The following PDE4B variants were observed in gnomAD, a reference collection of about 807,000 sequenced individuals.
PDE4B encodes phosphodiesterase 4B.
PDE4B carries 20 observed loss-of-function variants against 82.2 expected under a neutral mutation model. That is an observed-to-expected ratio of 0.24 (90% CI 0.17 to 0.35). The LOEUF (loss-of-function observed/expected upper bound fraction) is 0.35, where lower values mean the gene tolerates loss of function less well. Among genes scored for constraint, PDE4B ranks in the 10% least tolerant of loss-of-function variants. The probability of loss-of-function intolerance (pLI) is 1.00; values close to 1 mark genes in which losing one functional copy is unlikely to be tolerated. For synonymous variants in PDE4B, 320 were observed against 318.9 expected (o/e 1.00, Z -0.04); for missense variants, 655 against 907.2 (o/e 0.72, Z 3.57).
intron 3 of PDE4B, among the ~76,000 whole-genome samples, chr1:66,096,511 TATATATATA>T (rs1645119253): frequency 2.3e-5 from 3 of 132,942 alleles, no homozygotes; most frequent in African/African-American, 8.8e-5. Flanking sequence ...AAAAAAATTA[TATATATATA>T]TATATATATA....
Position 66,131,565 on chromosome 1 carries a change from A to T in PDE4B, c.282-115895A>T, listed in dbSNP as rs550033710. On this transcript the variant is annotated intron_variant, in intron 3 of 16. Coordinates refer to ENST00000341517, the MANE Select transcript of PDE4B (RefSeq NM_002600.4). ...TCAGATAATGCTAATATTAACTTTC[A>T]ATATTTTCAATATTTTCTGAATGCC... 5.1e-5 allele frequency among the ~76,000 whole-genome samples: 6 copies of T among 117,358 alleles called. No homozygotes were observed. The South Asian group carries it at 1.5e-3, about 30-fold the overall frequency. The allele number at this position is 117,358 out of a possible 152,430, so 77.0% of individuals were successfully genotyped here.
chr1:66,074,285 G>A (rs1656307224), intron 3 of PDE4B, among the ~76,000 whole-genome samples: 2 of 152,028 alleles, frequency 1.3e-5, no homozygotes, highest in African/African-American at 4.8e-5. Context: ...CTTTTGTGAG[G>A]AATTGTCAGG....
intron 7 of PDE4B, among the ~76,000 whole-genome samples, chr1:66,277,574 T>C (rs12046582): frequency 2.6e-5 from 4 of 152,122 alleles, no homozygotes; most frequent in East Asian, 3.9e-4. Context: ...TTTTGTATTT[T>C]TAGTAGAGAT....
chr1:65,986,433 G>C (rs1650959424), intron 3 of PDE4B, among the ~76,000 whole-genome samples: 1 of 152,144 alleles, frequency 6.6e-6, no homozygotes, highest in African/African-American at 2.4e-5. Flanking sequence ...GACATGACAT[G>C]CTTGACAAAG....
chr1:66,033,616 A>C (rs1378058208), intron 3 of PDE4B, among the ~76,000 whole-genome samples: 1 of 151,768 alleles, frequency 6.6e-6, no homozygotes, highest in Admixed American at 6.6e-5. Context: ...TCTTACTTGG[A>C]ATGTGTTAGT....
chr1:65,957,364 T>C (rs1649314396), intron 3 of PDE4B, among the ~76,000 whole-genome samples: 1 of 152,148 alleles, frequency 6.6e-6, no homozygotes, highest in African/African-American at 2.4e-5. Flanking sequence ...TAATTTCCAA[T>C]GCCATGTCTG....
chr1:65,843,895 G>T (rs1035427957), intron 1 of PDE4B, among the ~76,000 whole-genome samples: 10 of 152,102 alleles, frequency 6.6e-5, no homozygotes, highest in Non-Finnish European at 1.3e-4. Flanking sequence ...TGTTTCCACA[G>T]TATGACATAA....
At chr1:66,199,162 T>C (rs950855857) in intron 3 of PDE4B, among the ~76,000 whole-genome samples, 11 of 151,734 alleles carry the variant, frequency 7.2e-5, no homozygotes, top group African/African-American at 2.7e-4. Context: ...TATTTCTAGT[T>C]CTAGATCCCT....
chr1:66,034,503 G>A (rs1271709894), intron 3 of PDE4B, among the ~76,000 whole-genome samples: 1 of 152,080 alleles, frequency 6.6e-6, no homozygotes, highest in Non-Finnish European at 1.5e-5. Flanking sequence ...TCTAGTTTTA[G>A]GCTACAGTGT....
intron 3 of PDE4B, among the ~76,000 whole-genome samples, chr1:66,086,107 G>A (rs1048346917): frequency 1.3e-5 from 2 of 151,760 alleles, no homozygotes; most frequent in African/African-American, 4.8e-5. Context: ...TATCAGCTCA[G>A]TGGGGTTCAA....
chr1:65,816,449 C>T (rs1413044879), intron 1 of PDE4B, among the ~76,000 whole-genome samples: 2 of 151,934 alleles, frequency 1.3e-5, no homozygotes, highest in Admixed American at 1.3e-4. Context: ...GTGAAAGGAC[C>T]TTTAAACTGT....
chr1:65,842,614 A>T (rs1200384990), intron 1 of PDE4B, among the ~76,000 whole-genome samples: 1 of 152,148 alleles, frequency 6.6e-6, no homozygotes, highest in Non-Finnish European at 1.5e-5. Context: ...TGTTATTCCA[A>T]GCTTAAGATG....
At position 66,228,021 on chromosome 1, in the gene PDE4B, A is replaced by AC. The variant is rs756126468; in HGVS notation, c.282-19434dup. On this transcript the variant is annotated intron_variant, in intron 3 of 16. Coordinates refer to ENST00000341517, the MANE Select transcript of PDE4B (RefSeq NM_002600.4). The stretch of plus-strand genomic sequence containing the variant: ...ACCCCACTCTCATTTCCTGCTACTC[A>AC]CCCCCTCACTCACTTTGCTCCAGCC... Among the ~76,000 whole-genome samples the AC allele has an allele frequency of 8.4e-4, 127 of 151,402 alleles. 1 individual carries two copies. The highest frequency in any genetic ancestry group is 2.4e-3 in the Admixed American group (37 of 15,210).
chr1:66,319,257 T>C (rs1659234654), intron 7 of PDE4B, among the ~76,000 whole-genome samples: 1 of 152,166 alleles, frequency 6.6e-6, no homozygotes, highest in Non-Finnish European at 1.5e-5. Flanking sequence ...TTAGTCCTCT[T>C]CTCCTCCTCA....
At chr1:66,357,863 T>G (rs1482375490) in intron 9 of PDE4B, among the ~76,000 whole-genome samples, 6 of 152,202 alleles carry the variant, frequency 3.9e-5, no homozygotes, top group Non-Finnish European at 2.9e-5. Context: ...ACTATAACTC[T>G]GATATGAACT....
intron 3 of PDE4B, among the ~76,000 whole-genome samples, chr1:66,024,585 G>A (rs1653332635): frequency 6.6e-6 from 1 of 152,106 alleles, no homozygotes; most frequent in Non-Finnish European, 1.5e-5. Context: ...TCAACAAAAT[G>A]TACAGGTCAT....
chr1:66,342,799 T>C (rs1661101706), intron 8 of PDE4B, among the ~76,000 whole-genome samples: 1 of 150,326 alleles, frequency 6.7e-6, no homozygotes, highest in African/African-American at 2.4e-5. Flanking sequence ...ATCCCAAAAC[T>C]CTGGGAGCCC....
intron 3 of PDE4B, among the ~76,000 whole-genome samples, chr1:65,934,495 G>A (rs1026183805): frequency 1.3e-5 from 2 of 152,104 alleles, no homozygotes; most frequent in Non-Finnish European, 2.9e-5. Flanking sequence ...AAGACAAACA[G>A]ACAACAATGA....
intron 9 of PDE4B, among the ~76,000 whole-genome samples, chr1:66,358,894 C>G (rs1016876184): frequency 1.4e-4 from 21 of 151,970 alleles, no homozygotes; most frequent in Non-Finnish European, 2.9e-4. Flanking sequence ...TGTGTCATTC[C>G]TATCTTTTAA....
Sources: allele counts gnomAD v4.1 joint callset (sites outside exome capture counted in the v4.1 genomes callset), GRCh38; gene constraint gnomAD v4.1.1; transcripts MANE v1.5; gene names NCBI Gene and HGNC (gene_info 2026-07-23, HGNC 2026-07-21).